SSX2IP: variants seen among roughly 807,000 people sequenced by gnomAD.
SSX2IP encodes SSX family member 2 interacting protein.
In SSX2IP, 55 loss-of-function variants were observed where a neutral mutation model predicts 84.9. The ratio of observed to expected loss-of-function variants is 0.65; its 90% CI spans 0.52 to 0.81. SSX2IP has a LOEUF of 0.81. SSX2IP is among the 30% of genes least tolerant of loss of function. The probability of loss-of-function intolerance (pLI) is 0.00; values close to 1 mark genes in which losing one functional copy is unlikely to be tolerated. For synonymous variants in SSX2IP, 239 were observed against 234.7 expected (o/e 1.02, Z -0.17); for missense variants, 664 against 705.2 (o/e 0.94, Z 0.66).
chr1:84,688,167 C>T (rs1656052666), intron 1 of SSX2IP, among the ~76,000 whole-genome samples: 1 of 152,292 alleles, frequency 6.6e-6, no homozygotes, highest in South Asian at 2.1e-4. Context: ...CATTGGCCCA[C>T]AATCAAAAGG....
chr1:84,670,981 T>C (rs944669567), intron 2 of SSX2IP, among the ~76,000 whole-genome samples, 166 bp from the exon 3 acceptor site: 4 of 152,232 alleles, frequency 2.6e-5, no homozygotes, highest in African/African-American at 7.2e-5. Flanking sequence ...AGCCTCTTTA[T>C]GAAAATGATA....
chr1:84,661,770 G>T (rs112449047), intron 8 of SSX2IP, among the ~76,000 whole-genome samples: 52 of 152,292 alleles, frequency 3.4e-4, no homozygotes, highest in African/African-American at 1.2e-3. Context: ...TGTGAGCTCT[G>T]GAGTGAGAAA....
intron 9 of SSX2IP, 76 bp from the exon 10 acceptor site, chr1:84,656,560 A>C: frequency 1.6e-6 from 2 of 1,289,998 alleles, no homozygotes; most frequent in Non-Finnish European, 2.0e-6. Context: ...ATATCTTTAA[A>C]ACAAGGGCTC....
At chr1:84,682,825 G>T (rs1178609977) in intron 1 of SSX2IP, among the ~76,000 whole-genome samples, 1 of 152,058 alleles carries the variant, frequency 6.6e-6, no homozygotes, top group East Asian at 1.9e-4. Flanking sequence ...TTATAACAAT[G>T]TGCACACATT....
chr1:84,670,612 A>C, intron 3 of SSX2IP, 34 bp downstream of exon 3: 1 of 1,447,208 alleles, frequency 6.9e-7, no homozygotes, highest in East Asian at 2.3e-5. Flanking sequence ...ATATAACATG[A>C]TTTATGCTAC....
intron 12 of SSX2IP, among the ~76,000 whole-genome samples, chr1:84,650,797 T>G (rs1195074695): frequency 2.6e-5 from 4 of 151,890 alleles, no homozygotes; most frequent in Admixed American, 2.6e-4. Context: ...CTCCACCTCC[T>G]GGGTTCACGC....
intron 1 of SSX2IP, among the ~76,000 whole-genome samples, chr1:84,676,530 T>A (rs1381576506): frequency 6.6e-6 from 1 of 152,096 alleles, no homozygotes; most frequent in Non-Finnish European, 1.5e-5. Flanking sequence ...GGAACTCTGG[T>A]CTTTTCTGGG....
chr1:84,650,145 G>A (rs1650011768), intron 13 of SSX2IP: 1 of 617,816 alleles, frequency 1.6e-6, no homozygotes, highest in African/African-American at 1.8e-5. Flanking sequence ...CCTCCAAGAA[G>A]ACAACAGATC....
At chr1:84,675,729 G>T (rs1476432504) in intron 1 of SSX2IP, among the ~76,000 whole-genome samples, 1 of 152,136 alleles carries the variant, frequency 6.6e-6, no homozygotes, top group Non-Finnish European at 1.5e-5. Context: ...TAAAAATGCA[G>T]ATTCAATGAA....
At chr1:84,666,823 C>T (rs1048087686) in intron 4 of SSX2IP, among the ~76,000 whole-genome samples, 4 of 152,116 alleles carry the variant, frequency 2.6e-5, no homozygotes, top group African/African-American at 9.7e-5. Context: ...ACAAGATGCT[C>T]CTTTTCAACT....
intron 1 of SSX2IP, among the ~76,000 whole-genome samples, chr1:84,675,953 G>A (rs994576299): frequency 6.6e-6 from 1 of 152,086 alleles, no homozygotes; most frequent in African/African-American, 2.4e-5. Flanking sequence ...ACTGACTGAT[G>A]TCTCATGTCT....
intron 1 of SSX2IP, among the ~76,000 whole-genome samples, chr1:84,684,689 T>C (rs963355093): frequency 3.3e-5 from 5 of 151,788 alleles, no homozygotes; most frequent in South Asian, 2.1e-4. Context: ...CAATAGCGAG[T>C]AGCACAAGAG....
intron 1 of SSX2IP, among the ~76,000 whole-genome samples, chr1:84,673,774 T>C (rs574448808): frequency 6.6e-6 from 1 of 152,300 alleles, no homozygotes; most frequent in Admixed American, 6.5e-5. Flanking sequence ...TCAAGGATGA[T>C]TTCTAAGTTG....
chr1:84,689,480 A>T (rs1315976935), intron 1 of SSX2IP, among the ~76,000 whole-genome samples: 2 of 152,218 alleles, frequency 1.3e-5, no homozygotes, highest in African/African-American at 4.8e-5. Context: ...CTTCTTTTCT[A>T]ATCCTCAACC....
At chr1:84,671,048 A>G in intron 2 of SSX2IP, 129 bp downstream of exon 2, 1 of 1,160,440 alleles carries the variant, frequency 8.6e-7, no homozygotes, top group Non-Finnish European at 1.2e-6. Flanking sequence ...ACATGAAAAT[A>G]AGTATTTTAC....
chr1:84,656,722 TGAC>T (rs1347669014), intron 9 of SSX2IP, among the ~76,000 whole-genome samples: 4 of 152,310 alleles, frequency 2.6e-5, no homozygotes, highest in Admixed American at 6.5e-5. Flanking sequence ...CAGGAGTTCA[TGAC>T]GACAATTACA....
intron 1 of SSX2IP, among the ~76,000 whole-genome samples, chr1:84,675,708 T>C (rs1370358155): frequency 2.6e-5 from 4 of 152,210 alleles, no homozygotes; most frequent in Admixed American, 2.6e-4. Context: ...TCCTATGCCC[T>C]ATTATTTACG....
rs1281368217 is a variant in SSX2IP at position 84,658,411 on chromosome 1, G to C, written c.985C>G (p.Leu329Val). Reference protein sequence around the residue: ...GELSRESMWDLSCETVREQLT... With the variant: ...GELSRESMWDVSCETVREQLT... Reference sequence around the variant, plus strand: ...TGCTCTCTCACAGTTTCACAGGAAAGGTCCCACATACTCTCTCTGCTTAGT... The same window carrying C: ...TGCTCTCTCACAGTTTCACAGGAAACGTCCCACATACTCTCTCTGCTTAGT... The change falls in exon 9 of 14, where the codon CTT becomes GTT. Residue 329 changes from leucine to valine, a missense_variant. Physicochemically the swap from Leu to Val is conservative, Grantham distance 32. Coordinates refer to ENST00000342203, the MANE Select transcript of SSX2IP (RefSeq NM_001166293.2). The C allele has an allele frequency of 3.1e-6, 5 of 1,614,062 alleles. No individual in the cohort carries two copies. The Admixed American group carries it at 6.7e-5, about 22-fold the overall frequency.
At chr1:84,676,297 T>C (rs527865174) in intron 1 of SSX2IP, among the ~76,000 whole-genome samples, 1 of 152,370 alleles carries the variant, frequency 6.6e-6, no homozygotes, top group Admixed American at 6.5e-5. Context: ...AACACGTATA[T>C]AGCCATCTAA....
Sources: gnomAD v4.1 joint callset for allele counts (sites outside exome capture counted in the v4.1 genomes callset) on GRCh38, gnomAD v4.1.1 for gene constraint, MANE v1.5 for transcripts, NCBI Gene and HGNC (gene_info 2026-07-23, HGNC 2026-07-21) for gene names.